The following PLCB4 variants were observed in gnomAD, a reference collection of about 807,000 sequenced individuals.
PLCB4 encodes the protein phospholipase C beta 4.
PLCB4 carries 77 observed loss-of-function variants against 178.8 expected under a neutral mutation model. That is an observed-to-expected ratio of 0.43 (90% CI 0.36 to 0.52). The LOEUF (loss-of-function observed/expected upper bound fraction) is 0.52. PLCB4 is among the 20% of genes least tolerant of loss of function. PLCB4 has a pLI of 0.00. For missense variants in PLCB4, 1,024 were observed against 1,453.4 expected (o/e 0.70, Z 4.80); for synonymous variants, 496 against 490.8 (o/e 1.01, Z -0.14).
intron 4 of PLCB4, among the ~76,000 whole-genome samples, chr20:9,321,680 C>A (rs1270428294): frequency 1.1e-4 from 16 of 152,074 alleles, no homozygotes; most frequent in Admixed American, 1.0e-3. Context: ...TGTTACCAGG[C>A]TAGAGTGCCG....
chr20:9,232,288 T>G (rs1010116492), intron 3 of PLCB4, among the ~76,000 whole-genome samples: 1 of 152,146 alleles, frequency 6.6e-6, no homozygotes, highest in Admixed American at 6.6e-5. Context: ...CTTAATAAGT[T>G]TGGCAATTTG....
intron 25 of PLCB4, among the ~76,000 whole-genome samples, chr20:9,416,721 A>G (rs551500544): frequency 6.6e-6 from 1 of 152,338 alleles, no homozygotes; most frequent in African/African-American, 2.4e-5. Flanking sequence ...GAGCTTTTAT[A>G]TTAATATTGT....
intron 28 of PLCB4, among the ~76,000 whole-genome samples, chr20:9,434,358 T>C (rs2041624767): frequency 6.6e-6 from 1 of 152,064 alleles, no homozygotes; most frequent in African/African-American, 2.4e-5. Flanking sequence ...TGTGCAGATG[T>C]TATTTTATTT....
chr20:9,161,452 A>G (rs1006899530), intron 2 of PLCB4, among the ~76,000 whole-genome samples: 42 of 152,214 alleles, frequency 2.8e-4, no homozygotes, highest in African/African-American at 8.9e-4. Context: ...TCTGATGCCA[A>G]CCCAGGTTTG....
At chr20:9,132,494 G>A (rs925088796) in intron 2 of PLCB4, among the ~76,000 whole-genome samples, 1 of 152,176 alleles carries the variant, frequency 6.6e-6, no homozygotes, top group Non-Finnish European at 1.5e-5. Flanking sequence ...ACAACCTAGA[G>A]TCCAACTTTA....
intron 9 of PLCB4, among the ~76,000 whole-genome samples, chr20:9,369,206 G>A (rs531449300): frequency 1.9e-4 from 29 of 152,044 alleles, no homozygotes; most frequent in Non-Finnish European, 3.2e-4. Flanking sequence ...TCATGCCCAC[G>A]TTGATCAGTT....
chr20:9,447,796 A>T (rs533367259), intron 32 of PLCB4, among the ~76,000 whole-genome samples: 1 of 152,182 alleles, frequency 6.6e-6, no homozygotes, highest in Non-Finnish European at 1.5e-5. Context: ...ACTTGTAACC[A>T]CTATACTCAG....
intron 4 of PLCB4, among the ~76,000 whole-genome samples, chr20:9,316,306 C>T (rs925071833): frequency 6.6e-6 from 1 of 152,100 alleles, no homozygotes; most frequent in African/African-American, 2.4e-5. Context: ...CAAGGAAGTC[C>T]GGTGCACACT....
chr20:9,209,602 A>G (rs1195661436), intron 2 of PLCB4, among the ~76,000 whole-genome samples: 1 of 152,176 alleles, frequency 6.6e-6, no homozygotes, highest in South Asian at 2.1e-4. Context: ...GGTGGGGGCC[A>G]TGTGACAAGG....
Position 9,100,500 on chromosome 20 carries a change from C to T in PLCB4, c.-79+4158C>T, listed in dbSNP as rs879735779. ...AAATTAAAGAAAAATCAAAAGAAAC[C>T]ACTTAGCTGTAACACAAGGAAGATA... is the stretch of plus-strand genomic sequence containing the variant. On this transcript the variant is annotated intron_variant, in intron 2 of 39. Coordinates refer to ENST00000378473, the MANE Select transcript of PLCB4 (RefSeq NM_001377142.1). Among the ~76,000 whole-genome samples, 5 of 152,148 alleles carry T rather than the reference C, an allele frequency of 3.3e-5. No individual in the cohort carries two copies. In the East Asian group the frequency reaches 7.7e-4, roughly 23 times the overall value.
chr20:9,317,009 G>A (rs763297772), intron 4 of PLCB4, among the ~76,000 whole-genome samples: 1 of 152,066 alleles, frequency 6.6e-6, no homozygotes, highest in Admixed American at 6.6e-5. Flanking sequence ...TTTCTGTAAG[G>A]GACCACATAT....
intron 3 of PLCB4, among the ~76,000 whole-genome samples, chr20:9,234,987 A>C (rs564691154): frequency 6.6e-6 from 1 of 152,202 alleles, no homozygotes; most frequent in Non-Finnish European, 1.5e-5. Flanking sequence ...TAGAGAATGA[A>C]GTGTAACCAT....
At chr20:9,231,619 A>G (rs2093933676) in intron 3 of PLCB4, among the ~76,000 whole-genome samples, 1 of 152,158 alleles carries the variant, frequency 6.6e-6, no homozygotes, top group African/African-American at 2.4e-5. Flanking sequence ...AGAACATATT[A>G]GCATTTTATA....
At chr20:9,245,933 A>G (rs1229511429) in intron 3 of PLCB4, among the ~76,000 whole-genome samples, 2 of 152,074 alleles carry the variant, frequency 1.3e-5, no homozygotes, top group Non-Finnish European at 2.9e-5. Flanking sequence ...CACACGGCCA[A>G]TATCTGCTGT....
chr20:9,362,431 CAT>C (rs2035424094), intron 7 of PLCB4, among the ~76,000 whole-genome samples: 2 of 152,220 alleles, frequency 1.3e-5, no homozygotes, highest in South Asian at 4.1e-4. Context: ...TGCTGGAAAA[CAT>C]AGGTAAGATA....
At chr20:9,223,131 G>GA (rs975511317) in intron 3 of PLCB4, among the ~76,000 whole-genome samples, 77 of 152,078 alleles carry the variant, frequency 5.1e-4, no homozygotes, top group African/African-American at 1.7e-3. Flanking sequence ...ATTTCAATGG[G>GA]AAAAAAATCT....
intron 3 of PLCB4, among the ~76,000 whole-genome samples, chr20:9,220,695 C>T (rs550517044): frequency 4.6e-5 from 7 of 152,292 alleles, no homozygotes; most frequent in Non-Finnish European, 7.4e-5. Context: ...GCATGCAGCT[C>T]ACCAAACTTA....
At chr20:9,086,201 G>A (rs1253406372) in intron 1 of PLCB4, among the ~76,000 whole-genome samples, 3 of 152,110 alleles carry the variant, frequency 2.0e-5, no homozygotes, top group South Asian at 2.1e-4. Flanking sequence ...TCTCAAACTC[G>A]TGTATGTAGA....
At chr20:9,086,098 C>G (rs1177204498) in intron 1 of PLCB4, among the ~76,000 whole-genome samples, 1 of 151,990 alleles carries the variant, frequency 6.6e-6, no homozygotes, top group Non-Finnish European at 1.5e-5. Flanking sequence ...ATTAAATTAT[C>G]ACTGAAATTT....
Sources: gnomAD v4.1 joint callset for allele counts (sites outside exome capture counted in the v4.1 genomes callset) on GRCh38, gnomAD v4.1.1 for gene constraint, MANE v1.5 for transcripts, NCBI Gene and HGNC (gene_info 2026-07-23, HGNC 2026-07-21) for gene names.